XKR6: variants seen among roughly 807,000 people sequenced by gnomAD.
XKR6 encodes XK-related protein 6.
A neutral mutation model predicts 56.7 loss-of-function variants in XKR6; 22 were observed. That is an observed-to-expected ratio of 0.39 (90% CI 0.28 to 0.55). The LOEUF is 0.55. XKR6 is among the 20% of genes least tolerant of loss of function. XKR6 has a pLI of 0.66. For synonymous variants in XKR6, 524 were observed against 387.8 expected (o/e 1.35, Z -4.13); for missense variants, 852 against 889.0 (o/e 0.96, Z 0.53).
intron 1 of XKR6, among the ~76,000 whole-genome samples, chr8:11,081,072 G>C (rs897901371): frequency 3.9e-5 from 6 of 152,166 alleles, no homozygotes; most frequent in African/African-American, 1.2e-4. Flanking sequence ...ATTAACTTTA[G>C]GTAGCAGCAA....
chr8:11,018,153 C>T (rs1383178244), intron 1 of XKR6, among the ~76,000 whole-genome samples: 1 of 152,020 alleles, frequency 6.6e-6, no homozygotes, highest in Middle Eastern at 3.2e-3. Context: ...TCTGTCTGAC[C>T]TGAATCCCCC....
chr8:11,076,407 C>G (rs1286789919), intron 1 of XKR6, among the ~76,000 whole-genome samples: 1 of 152,106 alleles, frequency 6.6e-6, no homozygotes, highest in Non-Finnish European at 1.5e-5. Flanking sequence ...ATTTTACGAT[C>G]GTGACTTGAA....
At chr8:11,085,333 GC>G (rs1369310438) in intron 1 of XKR6, among the ~76,000 whole-genome samples, 2 of 152,184 alleles carry the variant, frequency 1.3e-5, no homozygotes, top group African/African-American at 2.4e-5. Context: ...TGCTCTGGTT[GC>G]CACATGCCAT....
chr8:10,962,834 G>T (rs1442247422), intron 1 of XKR6, among the ~76,000 whole-genome samples: 4 of 152,050 alleles, frequency 2.6e-5, no homozygotes, highest in African/African-American at 4.8e-5. Flanking sequence ...TATTGGTCAG[G>T]CTGGTCTCGA....
intron 1 of XKR6, among the ~76,000 whole-genome samples, chr8:11,191,351 C>T (rs905094326): frequency 7.9e-5 from 12 of 152,186 alleles, no homozygotes; most frequent in Admixed American, 5.2e-4. Context: ...AAAAGAGACA[C>T]TGATACTTTG....
chr8:11,060,521 C>T (rs976568018), intron 1 of XKR6, among the ~76,000 whole-genome samples: 1 of 152,216 alleles, frequency 6.6e-6, no homozygotes, highest in African/African-American at 2.4e-5. Context: ...TCCTCGGATG[C>T]CCAGGGACTC....
intron 1 of XKR6, among the ~76,000 whole-genome samples, chr8:10,993,942 C>T (rs924267254): frequency 7.9e-5 from 12 of 152,210 alleles, no homozygotes; most frequent in Non-Finnish European, 5.9e-5. Flanking sequence ...CAGACCTGAA[C>T]TCAGCAAACC....
intron 1 of XKR6, among the ~76,000 whole-genome samples, chr8:10,985,099 C>T (rs1797830478): frequency 6.6e-6 from 1 of 152,024 alleles, no homozygotes; most frequent in Admixed American, 6.6e-5. Flanking sequence ...ACCACCATGC[C>T]AGGCTAAATT....
chr8:11,181,240 C>T (rs758614910), intron 1 of XKR6, among the ~76,000 whole-genome samples: 4 of 152,100 alleles, frequency 2.6e-5, no homozygotes, highest in Admixed American at 6.5e-5. Flanking sequence ...GAGTGGTGAA[C>T]GTTTTTCAGT....
At chr8:11,169,321 A>G (rs558806401) in intron 1 of XKR6, among the ~76,000 whole-genome samples, 1 of 152,350 alleles carries the variant, frequency 6.6e-6, no homozygotes, top group South Asian at 2.1e-4. Context: ...GCTACCTCAC[A>G]ATGAGAGACT....
intron 1 of XKR6, among the ~76,000 whole-genome samples, chr8:10,989,816 G>T (rs1302920333): frequency 6.6e-6 from 1 of 152,210 alleles, no homozygotes; most frequent in Non-Finnish European, 1.5e-5. Context: ...AGGAAGAAGT[G>T]CCACCTTATG....
chr8:10,983,553 A>G (rs528869762), intron 1 of XKR6, among the ~76,000 whole-genome samples: 3 of 152,262 alleles, frequency 2.0e-5, no homozygotes, highest in Non-Finnish European at 2.9e-5. Context: ...AACTTGGCCC[A>G]CTAGGTTTTA....
At chr8:10,990,271 G>A (rs1024049266) in intron 1 of XKR6, among the ~76,000 whole-genome samples, 14 of 152,238 alleles carry the variant, frequency 9.2e-5, no homozygotes, top group Non-Finnish European at 1.8e-4. Flanking sequence ...GGAGGCTGCT[G>A]TGGAGGTCTT....
At chr8:10,906,376 A>G (rs1460314832) in intron 2 of XKR6, among the ~76,000 whole-genome samples, 1 of 152,118 alleles carries the variant, frequency 6.6e-6, no homozygotes, top group Non-Finnish European at 1.5e-5. Context: ...TTCAGTGCCT[A>G]CTCTACATTC....
intron 2 of XKR6, among the ~76,000 whole-genome samples, chr8:10,923,637 T>G (rs1012064728): frequency 6.6e-6 from 1 of 152,230 alleles, no homozygotes; most frequent in Non-Finnish European, 1.5e-5. Flanking sequence ...GAGAAAGGCC[T>G]GGGGCAGCGT....
chr8:11,172,515 C>G (rs949623769), intron 1 of XKR6, among the ~76,000 whole-genome samples: 10 of 152,100 alleles, frequency 6.6e-5, no homozygotes, highest in African/African-American at 2.2e-4. Context: ...GCACAAGTAC[C>G]CTTTCTCAAT....
At chr8:10,974,781 C>G (rs762343700) in intron 1 of XKR6, among the ~76,000 whole-genome samples, 2 of 152,154 alleles carry the variant, frequency 1.3e-5, no homozygotes, top group African/African-American at 4.8e-5. Flanking sequence ...GTGAAGGAAG[C>G]GCACAGAGCT....
chr8:11,166,458 A>G (rs182650545), intron 1 of XKR6, among the ~76,000 whole-genome samples: 1 of 152,318 alleles, frequency 6.6e-6, no homozygotes, highest in East Asian at 1.9e-4. Context: ...TAGACAACCT[A>G]GTCTATGGTG....
At position 10,923,373 on chromosome 8, in the gene XKR6, C is replaced by CTGGTTCAGTAGATGGGACA. The variant is rs1343235461; in HGVS notation, c.961+1260_961+1261insTGTCCCATCTACTGAACCA. Among the ~76,000 whole-genome samples the CTGGTTCAGTAGATGGGACA allele has an allele frequency of 1.1e-3, 162 of 152,300 alleles. 1 individual carries two copies. The highest frequency in any genetic ancestry group is 2.0e-3 in the Non-Finnish European group (138 of 68,038). On this transcript the variant is annotated intron_variant, in intron 2 of 2. Coordinates refer to ENST00000416569, the MANE Select transcript of XKR6 (RefSeq NM_173683.4). ...TCTACCAGACAGCCTCCATTGAGGGCTGTTCTGGTTCAGTAGATGGGACAT... is the reference window on the plus strand; with the variant it reads ...TCTACCAGACAGCCTCCATTGAGGGCTGGTTCAGTAGATGGGACATGTTCTGGTTCAGTAGATGGGACAT...
Sources: allele counts gnomAD v4.1 joint callset (sites outside exome capture counted in the v4.1 genomes callset), GRCh38; gene constraint gnomAD v4.1.1; transcripts MANE v1.5; gene names NCBI Gene and HGNC (gene_info 2026-07-23, HGNC 2026-07-21).